The following CLEC7A variants were observed in gnomAD, a reference collection of about 807,000 sequenced individuals.
CLEC7A encodes C-type lectin domain containing 7A, also known as C-type lectin domain family 7 member A.
A neutral mutation model predicts 26.9 loss-of-function variants in CLEC7A; 25 were observed. The ratio of observed to expected loss-of-function variants is 0.93; its 90% CI spans 0.68 to 1.30. The LOEUF is 1.30. Ranked by LOEUF, CLEC7A falls within the 50% of genes most tolerant of loss-of-function variation. The pLI, the probability that CLEC7A is intolerant of heterozygous loss-of-function variation, is 0.00. For synonymous variants in CLEC7A, 100 were observed against 99.5 expected (o/e 1.01, Z -0.03); for missense variants, 275 against 286.7 (o/e 0.96, Z 0.29).
chr12:10,129,331 G>A (rs1289584669), intron 1 of CLEC7A, among the ~76,000 whole-genome samples: 1 of 152,010 alleles, frequency 6.6e-6, no homozygotes, highest in African/African-American at 2.4e-5. Flanking sequence ...CAAGCAACAA[G>A]TCACTCATAC....
chr12:10,127,194 A>C, intron 2 of CLEC7A: 2 of 1,123,602 alleles, frequency 1.8e-6, no homozygotes, highest in Non-Finnish European at 2.5e-6. Flanking sequence ...AAAATGTAAA[A>C]AAAATATTAA....
In CLEC7A at chr12:10,117,511, C is replaced by G. The variant is rs1056292952; in HGVS notation, c.*947G>C. 2.1e-5 allele frequency: 2 copies of G among 93,108 alleles called. No individual in the cohort carries two copies. Among genetic ancestry groups the G allele is most frequent in the Non-Finnish European group, 4.0e-5 (2 of 49,912 alleles). The allele number at this position is 93,108 out of a possible 1,614,324, so 5.8% of individuals were successfully genotyped here. A position where few individuals can be genotyped will look rare whatever the true frequency, so the allele number is the denominator to read the frequency against. On this transcript the variant is annotated 3_prime_UTR_variant, in exon 6 of 6. Transcript: ENST00000304084. Reference sequence around the variant, plus strand: ...TGCCGTTGCACTCCAGCCTGGGCAACAAGAGCGAAACTCTGTCTCAAAAAA... The same window carrying G: ...TGCCGTTGCACTCCAGCCTGGGCAAGAAGAGCGAAACTCTGTCTCAAAAAA...
At chr12:10,124,783 G>C (rs928425645) in intron 4 of CLEC7A, 2 of 152,820 alleles carry the variant, frequency 1.3e-5, no homozygotes, top group African/African-American at 4.8e-5. Context: ...CATACATGGA[G>C]TATGTTTGAA....
intron 4 of CLEC7A, 78 bp downstream of exon 4, chr12:10,125,219 T>G (rs1465690876): frequency 8.0e-7 from 1 of 1,255,180 alleles, no homozygotes; most frequent in African/African-American, 1.5e-5. Flanking sequence ...TTAGGAAAAA[T>G]TGTCATTACC....
At chr12:10,127,884 A>G (rs1565409455) in intron 1 of CLEC7A, 39 bp from the exon 2 acceptor site, 4 of 1,352,906 alleles carry the variant, frequency 3.0e-6, no homozygotes, top group Non-Finnish European at 4.0e-6. Context: ...ATAAAGAAAG[A>G]GAATGACGGA....
At chr12:10,127,984 G>T (rs1339003541) in intron 1 of CLEC7A, 139 bp from the exon 2 acceptor site, 6 of 629,170 alleles carry the variant, frequency 9.5e-6, no homozygotes. Flanking sequence ...ACTGAGGTAG[G>T]AGGATTGCTT....
intron 5 of CLEC7A, 142 bp from the exon 6 acceptor site, chr12:10,118,732 A>T: frequency 1.5e-6 from 1 of 649,506 alleles, no homozygotes. Flanking sequence ...TTAAATCTAA[A>T]TTGTTGTGAA....
At chr12:10,118,673 A>T in intron 5 of CLEC7A, 83 bp from the exon 6 acceptor site, 2 of 1,209,216 alleles carry the variant, frequency 1.7e-6, no homozygotes, top group Non-Finnish European at 2.3e-6. Context: ...ATTAGTAAGG[A>T]TATTGGTGAA....
rs1728771159 is a variant in CLEC7A at position 10,117,171 on chromosome 12, G to T, written c.*1287C>A. Reference sequence around the variant, plus strand: ...ATCATCAGATTTTATGTATTTTTATGTATTTTTGTATTTAAAAAGCAGAAA... The same window carrying T: ...ATCATCAGATTTTATGTATTTTTATTTATTTTTGTATTTAAAAAGCAGAAA... On this transcript the variant is annotated 3_prime_UTR_variant, in exon 6 of 6. Coordinates refer to ENST00000304084, the MANE Select transcript of CLEC7A (RefSeq NM_197947.3). 6.6e-6 allele frequency: 1 copy of T among 152,110 alleles called. No individual in the cohort carries two copies. The highest frequency in any genetic ancestry group is 2.4e-5 in the African/African-American group (1 of 41,426). 9.4% of individuals were successfully genotyped at this position (152,110 alleles called of 1,614,324 possible).
At chr12:10,127,369 A>G (rs1195467066) in intron 2 of CLEC7A, 16 of 1,603,326 alleles carry the variant, frequency 1.0e-5, no homozygotes, top group Non-Finnish European at 1.3e-5. Context: ...ACAGCACCAT[A>G]TTGTACTTTC....
At chr12:10,125,074 C>A in intron 4 of CLEC7A, 1 of 592,276 alleles carries the variant, frequency 1.7e-6, no homozygotes, top group Non-Finnish European at 3.0e-6. Context: ...GGTGGTGCAC[C>A]CTGTAGTCCT....
At chr12:10,126,535 T>G in intron 3 of CLEC7A, 36 bp downstream of exon 3, 1 of 1,579,722 alleles carries the variant, frequency 6.3e-7, no homozygotes, top group Non-Finnish European at 8.6e-7. Context: ...ATTAACCCTC[T>G]TGAGTCAAGA....
chr12:10,121,035 G>A (rs1351950123), intron 5 of CLEC7A, among the ~76,000 whole-genome samples: 2 of 150,284 alleles, frequency 1.3e-5, no homozygotes, highest in African/African-American at 2.4e-5. Flanking sequence ...CAGCCTGGGC[G>A]ATAAAATAAA....
intron 5 of CLEC7A, among the ~76,000 whole-genome samples, chr12:10,122,328 T>C (rs920064439): frequency 1.3e-5 from 2 of 152,204 alleles, no homozygotes; most frequent in African/African-American, 4.8e-5. Context: ...GAAATACGTT[T>C]AAAATATCTT....
At chr12:10,128,718 G>T (rs1190367384) in intron 1 of CLEC7A, among the ~76,000 whole-genome samples, 1 of 152,136 alleles carries the variant, frequency 6.6e-6, no homozygotes, top group Non-Finnish European at 1.5e-5. Context: ...GTGTGTTGTT[G>T]CAGGATACCG....
Position 10,127,770 on chromosome 12 carries a change from A to T in CLEC7A, c.179T>A (p.Ile60Lys). 1 of 1,590,698 alleles carries T rather than the reference A, an allele frequency of 6.3e-7. No individual in the cohort carries two copies. Reference sequence around the variant, plus strand: ...ACCCATGGTACCCAGGACCACAGCTATCACCAGTATTACCAAGCATAGGAT... The same window carrying T: ...ACCCATGGTACCCAGGACCACAGCTTTCACCAGTATTACCAAGCATAGGAT... The part of the protein sequence containing the change: ...LGILCLVILV[I>K]AVVLGTMAIW... The change falls in exon 2 of 6, where the codon ATA (isoleucine) becomes AAA (lysine). Residue 60 changes from isoleucine (I) to lysine (K), a missense_variant. By Grantham distance (102) the Ile-to-Lys change is moderately radical (BLOSUM62 -3). Transcript: ENST00000304084.
intron 5 of CLEC7A, among the ~76,000 whole-genome samples, chr12:10,121,993 G>T (rs1479450303): frequency 6.6e-6 from 1 of 152,114 alleles, no homozygotes; most frequent in Non-Finnish European, 1.5e-5. Flanking sequence ...GTGACAGAGT[G>T]AGACTCTGTC....
chr12:10,120,104 C>A (rs1669758430), intron 5 of CLEC7A, among the ~76,000 whole-genome samples: 1 of 146,068 alleles, frequency 6.8e-6, no homozygotes, highest in Non-Finnish European at 1.5e-5. Context: ...AAATAGATGA[C>A]CGGAAGATAT....
intron 1 of CLEC7A, 128 bp downstream of exon 1, chr12:10,129,852 A>T (rs1408763364): frequency 9.2e-6 from 5 of 541,230 alleles, no homozygotes; most frequent in Non-Finnish European, 1.7e-5. Context: ...TCCTGACCTC[A>T]GTCAATCCAC....
Sources: gnomAD v4.1 joint callset for allele counts (sites outside exome capture counted in the v4.1 genomes callset) on GRCh38, gnomAD v4.1.1 for gene constraint, MANE v1.5 for transcripts, NCBI Gene and HGNC (gene_info 2026-07-23, HGNC 2026-07-21) for gene names.